The following HERPUD1 variants were observed in gnomAD, a reference collection of about 807,000 sequenced individuals.
HERPUD1 encodes the protein homocysteine-responsive endoplasmic reticulum-resident ubiquitin-like domain member 1 protein.
HERPUD1 carries 17 observed loss-of-function variants against 45.0 expected under a neutral mutation model. The observed-to-expected ratio is 0.38, with a 90% CI of 0.26 to 0.57. The LOEUF is 0.57. HERPUD1 is among the 20% of genes least tolerant of loss of function. HERPUD1 has a pLI of 0.72. For synonymous variants in HERPUD1, 164 were observed against 177.5 expected, an observed-to-expected ratio of 0.92 and a Z score of 0.61; for missense variants, 420 against 490.5, an observed-to-expected ratio of 0.86 and a Z score of 1.36.
intron 3 of HERPUD1, chr16:56,935,985 G>A (rs2055863498): frequency 6.4e-6 from 1 of 155,592 alleles, no homozygotes; most frequent in Non-Finnish European, 1.4e-5. Flanking sequence ...AACTCCTGAG[G>A]GCAAGCGATC....
rs1211151970 is a variant in HERPUD1 at position 56,936,734 on chromosome 16, T to C, written c.348T>C (p.Tyr116=). The C allele has an allele frequency of 3.7e-6, 6 of 1,613,940 alleles. No homozygotes were observed. The highest frequency in any genetic ancestry group is 5.1e-6 in the Non-Finnish European group (6 of 1,179,958). The change falls in exon 4 of 8, where the codon TAT becomes TAC. Residue 116 remains tyrosine, a synonymous_variant. Transcript: ENST00000439977. ...CTGCTGGTTCTAATCGGGGACAGTA[T>C]CCTGAGGATTCCTCAAGTGATGGTT... ...EEPAGSNRGQ[Y]PEDSSSDGLR...
Position 56,940,009 on chromosome 16 carries a change from C to T in HERPUD1, c.669C>T (p.Asn223=). 1 of 1,614,202 alleles carries T rather than the reference C, an allele frequency of 6.2e-7. No individual in the cohort carries two copies. Among genetic ancestry groups the T allele is most frequent in the Non-Finnish European group, 8.5e-7 (1 of 1,180,044 alleles). ...TTCACAACCAGTTTCCAGCTGAAAA[C>T]CAGCCTGCCAATCAGAATGCTGCTC... ...APIHNQFPAE[N]QPANQNAAPQ... is the part of the protein sequence containing the mutation. The change falls in exon 6 of 8, where the codon AAC becomes AAT. Residue 223 remains asparagine, a synonymous_variant. Coordinates refer to ENST00000439977, the MANE Select transcript of HERPUD1 (RefSeq NM_014685.4).
rs753904398 is a variant in HERPUD1, at chr16:56,936,825, T to A, written c.431+8T>A. On this transcript the variant is annotated splice_region_variant and intron_variant, in intron 4 of 7. Transcript: ENST00000439977. ...ATGGGAAAACATCTCAAGGTGAGTG[T>A]TATAATAAAGATCTTGGCTTATGCA... The A allele has an allele frequency of 6.2e-7, 1 of 1,613,140 alleles. No homozygotes were observed.
rs1466715657 is a variant in HERPUD1 at position 56,944,852 on chromosome 16, G to T, written c.*1562G>T. 1 of 152,132 alleles carries T rather than the reference G, an allele frequency of 6.6e-6. No homozygotes were observed. Among genetic ancestry groups the T allele is most frequent in the African/African-American group, 2.4e-5 (1 of 41,414 alleles). The allele number at this position is 152,132 out of a possible 1,614,324, so 9.4% of individuals were successfully genotyped here. ...GTGTTCTATTTGGCAAAATAAATCA[G>T]CCTTTTCTATCATGATTGTGGTCAT... On this transcript the variant is annotated 3_prime_UTR_variant, in exon 8 of 8. Transcript: ENST00000439977.
At chr16:56,940,476 T>G in intron 6 of HERPUD1, 1 of 472,564 alleles carries the variant, frequency 2.1e-6, no homozygotes. Flanking sequence ...CTGGCTAATT[T>G]TTATATTTCT....
At chr16:56,939,485 C>A in intron 5 of HERPUD1, 126 bp downstream of exon 5, 1 of 1,241,160 alleles carries the variant, frequency 8.1e-7, no homozygotes, top group Non-Finnish European at 1.1e-6. Context: ...CAGAGCCCTG[C>A]TCTGTTTGGT....
Position 56,943,361 on chromosome 16 carries a change from C to T in HERPUD1, c.*71C>T. On this transcript the variant is annotated 3_prime_UTR_variant, in exon 8 of 8. Transcript: ENST00000439977. ...GGATCACCTGACTCCAGCTAGATTG[C>T]CTCTCCTGGACATGGCAATGATGAG... 1.3e-6 allele frequency: 2 copies of T among 1,530,756 alleles called. No homozygotes were observed. Among genetic ancestry groups the T allele is most frequent in the Non-Finnish European group, 1.8e-6 (2 of 1,104,446 alleles). The allele number at this position is 1,530,756 out of a possible 1,614,324, so 94.8% of individuals were successfully genotyped here. A position where few individuals can be genotyped will look rare whatever the true frequency, so the allele number is the denominator to read the frequency against.
chr16:56,936,930 A>C (rs1395793680), intron 4 of HERPUD1, 113 bp downstream of exon 4: 2 of 1,199,602 alleles, frequency 1.7e-6, no homozygotes, highest in Non-Finnish European at 2.3e-6. Flanking sequence ...AAACATACAG[A>C]ATTTTGCTTT....
At chr16:56,938,410 A>C (rs1182928515) in intron 4 of HERPUD1, among the ~76,000 whole-genome samples, 1 of 152,164 alleles carries the variant, frequency 6.6e-6, no homozygotes, top group Non-Finnish European at 1.5e-5. Flanking sequence ...AAAAGTACAA[A>C]AAATTAGCCA....
At chr16:56,942,512 AG>A (rs1215505026) in intron 7 of HERPUD1, among the ~76,000 whole-genome samples, 52 of 152,334 alleles carry the variant, frequency 3.4e-4, no homozygotes, top group African/African-American at 1.2e-3. Flanking sequence ...GGTCTGTAAC[AG>A]TGTGTTATAC....
In HERPUD1 at chr16:56,939,484, G is replaced by A. The variant is rs1330727878; in HGVS notation, c.554+125G>A. ...TATTTTCATCAGTCTGCAGAGCCCT[G>A]CTCTGTTTGGTCTGTGGGTAGAGTG... On this transcript the variant is annotated intron_variant, in intron 5 of 7. Coordinates refer to ENST00000439977, the MANE Select transcript of HERPUD1 (RefSeq NM_014685.4). 1.6e-5 allele frequency: 20 copies of A among 1,237,754 alleles called. No individual in the cohort carries two copies. In the Admixed American group the frequency reaches 3.8e-4, roughly 24 times the overall value. 76.7% of individuals were successfully genotyped at this position (1,237,754 alleles called of 1,614,324 possible).
intron 6 of HERPUD1, 198 bp from the exon 7 acceptor site, chr16:56,941,934 A>G: frequency 5.6e-6 from 3 of 539,714 alleles, no homozygotes; most frequent in Non-Finnish European, 1.0e-5. Flanking sequence ...ATGATGAATA[A>G]AACACAGTCC....
Position 56,932,380 on chromosome 16 carries a change from C to T in HERPUD1, c.136C>T (p.Pro46Ser), listed in dbSNP as rs775194343. 2 of 1,588,036 alleles carry T rather than the reference C, an allele frequency of 1.3e-6. No individual in the cohort carries two copies. The highest frequency in any genetic ancestry group is 1.8e-5 in the Admixed American group (1 of 56,968). The change falls in exon 1 of 8, where the codon CCC becomes TCC. Residue 46 changes from proline (P) to serine (S), a missense_variant. Coordinates refer to ENST00000439977, the MANE Select transcript of HERPUD1 (RefSeq NM_014685.4). The stretch of plus-strand genomic sequence containing the variant: ...CAAGGCCCACCTGAGCCGCGTCTAC[C>T]CCGAGCGTCCGGTGAGAGCGGCCCC... Reference protein sequence around the residue: ...HLKAHLSRVYPERPRPEDQRL... With the variant: ...HLKAHLSRVYSERPRPEDQRL...
At position 56,940,035 on chromosome 16, in the gene HERPUD1, C is replaced by T. The variant is rs1319293999; in HGVS notation, c.695C>T (p.Pro232Leu). Residue 232 changes from proline (P) to leucine (L), a missense_variant, in exon 6 of 8, where the codon CCT becomes CTT. By Grantham distance (98) the Pro-to-Leu change is moderately conservative. Coordinates refer to ENST00000439977, the MANE Select transcript of HERPUD1 (RefSeq NM_014685.4). ...CAGCCTGCCAATCAGAATGCTGCTC[C>T]TCAAGTGGTTGTTAATCCTGGAGCC... ...ENQPANQNAA[P>L]QVVVNPGANQ... 4 of 1,614,224 alleles carry T rather than the reference C, an allele frequency of 2.5e-6. No homozygotes were observed. Among genetic ancestry groups the T allele is most frequent in the East Asian group, 4.5e-5 (2 of 44,888 alleles).
In HERPUD1 at chr16:56,944,761, C is replaced by G. The variant is rs971821794; in HGVS notation, c.*1471C>G. 2 of 150,860 alleles carry G rather than the reference C, an allele frequency of 1.3e-5. No homozygotes were observed. The highest frequency in any genetic ancestry group is 2.9e-5 in the Non-Finnish European group (2 of 68,050). The allele number at this position is 150,860 out of a possible 1,614,324, so 9.3% of individuals were successfully genotyped here. A position where few individuals can be genotyped will look rare whatever the true frequency, so the allele number is the denominator to read the frequency against. On this transcript the variant is annotated 3_prime_UTR_variant, in exon 8 of 8. Transcript: ENST00000439977. ...GGGATTACAGATGTGAGCCACCGCA[C>G]CCAGCCAGGGACTAATCTTTAAAGC... is the stretch of plus-strand genomic sequence containing the variant.
At chr16:56,938,440 G>A (rs1197208394) in intron 4 of HERPUD1, among the ~76,000 whole-genome samples, 5 of 152,202 alleles carry the variant, frequency 3.3e-5, no homozygotes, top group South Asian at 2.1e-4. Context: ...GCGTGTGCCC[G>A]TAGTCCCAGC....
chr16:56,939,328 CA>C lies in HERPUD1; in HGVS notation c.524del (p.Gln175ArgfsTer12), dbSNP rs1485873088. On this transcript the variant is annotated frameshift_variant, in exon 5 of 8. Transcript: ENST00000439977. LOFTEE classifies it high-confidence loss of function. ...GTGGCTTCAGCTTTCCTGGTTCCAG[CA>C]GATATATGCACGACAGTACTACATG... ...YGWLQLSWFQ[Q>X]IYARQYYMQY... is the part of the protein sequence containing the mutation. The C allele has an allele frequency of 6.2e-7, 1 of 1,614,218 alleles. No individual in the cohort carries two copies. The highest frequency in any genetic ancestry group is 1.1e-5 in the South Asian group (1 of 91,086).
chr16:56,936,499 A>G (rs755651602), intron 3 of HERPUD1, 188 bp from the exon 4 acceptor site: 2 of 388,268 alleles, frequency 5.2e-6, no homozygotes, highest in South Asian at 9.6e-5. Flanking sequence ...TTTAGCATCT[A>G]TGTATTGAAA....
At chr16:56,942,046 G>A (rs2055913832) in intron 6 of HERPUD1, 86 bp from the exon 7 acceptor site, 2 of 1,011,838 alleles carry the variant, frequency 2.0e-6, no homozygotes, top group South Asian at 1.3e-5. Flanking sequence ...GGGTGCTGCT[G>A]TGATTAGAGG....
Sources: allele counts gnomAD v4.1 joint callset (sites outside exome capture counted in the v4.1 genomes callset), GRCh38; gene constraint gnomAD v4.1.1; transcripts MANE v1.5; gene names NCBI Gene and HGNC (gene_info 2026-07-23, HGNC 2026-07-21).